SCYL2: variants seen among roughly 807,000 people sequenced by gnomAD.
SCYL2 encodes the protein SCY1-like protein 2.
Under a neutral mutation model 100.4 loss-of-function variants are expected in SCYL2, and 36 were observed. That is an observed-to-expected ratio of 0.36 (90% CI 0.27 to 0.47). SCYL2 has a LOEUF of 0.47. Among genes scored for constraint, SCYL2 ranks in the 20% least tolerant of loss-of-function variants. SCYL2 has a pLI of 1.00. For synonymous variants in SCYL2, 330 were observed against 359.2 expected (o/e 0.92, Z 0.92); for missense variants, 902 against 1,083.9 (o/e 0.83, Z 2.36).
At chr12:100,282,073 A>G (rs1359577696) in intron 1 of SCYL2, among the ~76,000 whole-genome samples, 2 of 152,036 alleles carry the variant, frequency 1.3e-5, no homozygotes, top group Admixed American at 6.6e-5. Context: ...CCTGGAGTGC[A>G]GTAGTGTGAT....
At position 100,282,387 on chromosome 12, in the gene SCYL2, G is replaced by A. The variant is rs1250013131; in HGVS notation, c.-28-556G>A. Among the ~76,000 whole-genome samples the A allele has an allele frequency of 5.6e-5, 7 of 124,470 alleles. 2 individuals are homozygous for A. Among genetic ancestry groups the A allele is most frequent in the East Asian group, 2.1e-4 (1 of 4,818 alleles). 81.7% of individuals were successfully genotyped at this position (124,470 alleles called of 152,430 possible). On this transcript the variant is annotated intron_variant, in intron 1 of 17. Transcript: ENST00000360820. ...GTCACCAAGGCTGGAGTGCTGTGGCGCAATCCTGGCTCACTGCAACCTCCA... is the reference window on the plus strand; with the variant it reads ...GTCACCAAGGCTGGAGTGCTGTGGCACAATCCTGGCTCACTGCAACCTCCA...
chr12:100,340,173 T>A lies in SCYL2; in HGVS notation c.*1001T>A, dbSNP rs183823387. 1 of 152,706 alleles carries A rather than the reference T, an allele frequency of 6.5e-6. No homozygotes were observed. Among genetic ancestry groups the A allele is most frequent in the African/African-American group, 2.4e-5 (1 of 41,566 alleles). 9.5% of individuals were successfully genotyped at this position (152,706 alleles called of 1,614,324 possible). On this transcript the variant is annotated 3_prime_UTR_variant, in exon 18 of 18. Transcript: ENST00000360820. Reference sequence around the variant, plus strand: ...TTGTATCTTCTGACCACCAACAGATTTTCAGCTTGCCATGATAGTCTGACC... The same window carrying A: ...TTGTATCTTCTGACCACCAACAGATATTCAGCTTGCCATGATAGTCTGACC...
At chr12:100,296,476 CA>C (rs1453369869) in intron 3 of SCYL2, among the ~76,000 whole-genome samples, 1 of 151,868 alleles carries the variant, frequency 6.6e-6, no homozygotes, top group Non-Finnish European at 1.5e-5. Context: ...GTAGGGAAAA[CA>C]AGAGCCAAAG....
chr12:100,282,412 A>G (rs1246640442), intron 1 of SCYL2, among the ~76,000 whole-genome samples: 5 of 97,606 alleles, frequency 5.1e-5, no homozygotes, highest in African/African-American at 8.1e-5. Flanking sequence ...TGCAACCTCC[A>G]CCTCCTGGGT....
At chr12:100,335,712 T>C in intron 15 of SCYL2, 21 bp downstream of exon 15, 1 of 1,604,326 alleles carries the variant, frequency 6.2e-7, no homozygotes, top group South Asian at 1.1e-5. Context: ...GCTTAATTTT[T>C]GCAGAAAGTA....
chr12:100,337,593 T>C, intron 17 of SCYL2, 87 bp downstream of exon 17: 2 of 1,234,986 alleles, frequency 1.6e-6, no homozygotes, highest in Non-Finnish European at 2.3e-6. Context: ...AGTATTTGTA[T>C]AAAAATATAT....
At chr12:100,293,576 AG>A (rs1592939201) in intron 3 of SCYL2, among the ~76,000 whole-genome samples, 2 of 150,580 alleles carry the variant, frequency 1.3e-5, no homozygotes, top group Non-Finnish European at 3.0e-5. Context: ...TTTCTCACAG[AG>A]GGGGATTTGG....
At chr12:100,295,843 T>C (rs968193707) in intron 3 of SCYL2, among the ~76,000 whole-genome samples, 1 of 151,482 alleles carries the variant, frequency 6.6e-6, no homozygotes, top group South Asian at 2.1e-4. Flanking sequence ...GCAAGGGGAA[T>C]GGACAGAACT....
At chr12:100,285,164 A>G (rs543554371) in intron 2 of SCYL2, among the ~76,000 whole-genome samples, 1 of 152,348 alleles carries the variant, frequency 6.6e-6, no homozygotes, top group African/African-American at 2.4e-5. Context: ...CCAATAAAAA[A>G]AACACTGCTA....
At chr12:100,273,654 G>A (rs567800858) in intron 1 of SCYL2, among the ~76,000 whole-genome samples, 1 of 152,298 alleles carries the variant, frequency 6.6e-6, no homozygotes, top group African/African-American at 2.4e-5. Context: ...ATATGTAACT[G>A]TAGTTTGCAG....
intron 4 of SCYL2, among the ~76,000 whole-genome samples, chr12:100,308,956 C>G (rs2096338232): frequency 6.6e-6 from 1 of 152,138 alleles, no homozygotes. Context: ...TGCTGTACAT[C>G]CCCAGTAAGG....
intron 10 of SCYL2, among the ~76,000 whole-genome samples, chr12:100,321,220 T>C (rs1040635577): frequency 1.2e-4 from 18 of 152,244 alleles, no homozygotes; most frequent in African/African-American, 3.9e-4. Context: ...ATAAAATATA[T>C]CCAGTGTTCT....
intron 2 of SCYL2, among the ~76,000 whole-genome samples, chr12:100,285,554 T>C (rs1287704378): frequency 1.3e-5 from 2 of 152,196 alleles, no homozygotes; most frequent in South Asian, 2.1e-4. Flanking sequence ...TCCCTGCCAA[T>C]CTTGTTATAT....
chr12:100,292,835 G>T (rs188405826), intron 3 of SCYL2, among the ~76,000 whole-genome samples: 13 of 152,116 alleles, frequency 8.5e-5, no homozygotes, highest in African/African-American at 3.1e-4. Flanking sequence ...TTGATTGATC[G>T]AGACAAGAGT....
At chr12:100,277,758 T>G (rs189884886) in intron 1 of SCYL2, among the ~76,000 whole-genome samples, 51 of 152,324 alleles carry the variant, frequency 3.3e-4, no homozygotes, top group African/African-American at 1.2e-3. Context: ...ATTTTGTATT[T>G]GCCACATTTG....
chr12:100,318,742 A>G (rs2096352289), intron 10 of SCYL2, among the ~76,000 whole-genome samples: 1 of 152,190 alleles, frequency 6.6e-6, no homozygotes, highest in Admixed American at 6.5e-5. Context: ...TTCTTCTGCA[A>G]TGAAGTTAAT....
chr12:100,311,343 T>C (rs998813194), intron 5 of SCYL2, 150 bp downstream of exon 5: 4 of 585,242 alleles, frequency 6.8e-6, no homozygotes, highest in Non-Finnish European at 1.0e-5. Flanking sequence ...TTAAGAGTAT[T>C]CTTCGGCACA....
chr12:100,306,442 A>G (rs2096334522), intron 4 of SCYL2, among the ~76,000 whole-genome samples: 2 of 152,230 alleles, frequency 1.3e-5, no homozygotes, highest in African/African-American at 4.8e-5. Context: ...GGCCTTTGAT[A>G]AAATTCAACA....
intron 15 of SCYL2, 23 bp downstream of exon 15, chr12:100,335,714 C>T: frequency 6.2e-7 from 1 of 1,601,578 alleles, no homozygotes; most frequent in Non-Finnish European, 8.5e-7. Context: ...TTAATTTTTG[C>T]AGAAAGTATG....
Sources: allele counts gnomAD v4.1 joint callset (sites outside exome capture counted in the v4.1 genomes callset), GRCh38; gene constraint gnomAD v4.1.1; transcripts MANE v1.5; gene names NCBI Gene and HGNC (gene_info 2026-07-23, HGNC 2026-07-21).